The following AKAP3 variants were observed in gnomAD, a reference collection of about 807,000 sequenced individuals.
AKAP3 encodes the protein A-kinase anchor protein 3.
AKAP3 carries 27 observed loss-of-function variants against 57.2 expected under a neutral mutation model. The observed-to-expected ratio is 0.47, with a 90% CI of 0.35 to 0.65. The LOEUF (loss-of-function observed/expected upper bound fraction) is 0.65, where lower values mean the gene tolerates loss of function less well. Ranked by LOEUF, AKAP3 falls within the 30% of genes least tolerant of loss-of-function variation. AKAP3 has a pLI of 0.01. For missense variants in AKAP3, 959 were observed against 1,040.0 expected (o/e 0.92, Z 1.07); for synonymous variants, 334 against 392.3 (o/e 0.85, Z 1.76).
chr12:4,635,671 C>A, intron 4 of AKAP3: 3 of 774,382 alleles, frequency 3.9e-6, no homozygotes, highest in Non-Finnish European at 6.8e-6. Context: ...TTGCAAAGGA[C>A]TCCTCATTTG....
In AKAP3 at chr12:4,627,096, A is replaced by G. The variant is rs1442794667; in HGVS notation, c.1806T>C (p.Leu602=). Residue 602 remains leucine, a synonymous_variant, in exon 5 of 6, where the codon CTT becomes CTC. Transcript: ENST00000228850. ...GGTCACGCTTGAAAATGGTCTCACT[A>G]AGTAAGTTCCGGATGAAATTAAAGA... The part of the protein sequence containing the change: ...SVFFNFIRNL[L]SETIFKRDQS... 1 of 1,614,158 alleles carries G rather than the reference A, an allele frequency of 6.2e-7. No homozygotes were observed. Among genetic ancestry groups the G allele is most frequent in the South Asian group, 1.1e-5 (1 of 91,082 alleles).
At chr12:4,621,351 T>C (rs1945345493) in intron 5 of AKAP3, among the ~76,000 whole-genome samples, 1 of 152,214 alleles carries the variant, frequency 6.6e-6, no homozygotes, top group African/African-American at 2.4e-5. Flanking sequence ...TCTACAGTAG[T>C]GAACAGTAAT....
intron 4 of AKAP3, among the ~76,000 whole-genome samples, chr12:4,633,187 T>C (rs1000283849): frequency 9.3e-5 from 14 of 151,114 alleles, no homozygotes; most frequent in African/African-American, 3.4e-4. Context: ...TTTGGGAGGC[T>C]GAGGAGGGCA....
chr12:4,647,558 C>T (rs1383623186), intron 1 of AKAP3, among the ~76,000 whole-genome samples: 1 of 151,442 alleles, frequency 6.6e-6, no homozygotes, highest in African/African-American at 2.4e-5. Flanking sequence ...AACCTTGAAA[C>T]TAGAACTGAG....
At chr12:4,642,189 CA>C (rs887097543) in intron 2 of AKAP3, among the ~76,000 whole-genome samples, 185 bp from the exon 3 acceptor site, 60 of 152,318 alleles carry the variant, frequency 3.9e-4, no homozygotes, top group African/African-American at 1.4e-3. Flanking sequence ...TCCAAGATGA[CA>C]AAAAGGTTGC....
rs746434630 is a variant in AKAP3 at position 4,628,785 on chromosome 12, G to A, written c.117C>T (p.Val39=). 1.9e-6 allele frequency: 3 copies of A among 1,607,424 alleles called. No individual in the cohort carries two copies. The South Asian group carries it at 3.3e-5, about 18-fold the overall frequency. Reference sequence around the variant, plus strand: ...CTCTGCGGAGCCAGCTGAGCACTCTGACAGGATCCGTGGAGGTGTCCTTAA... The same window carrying A: ...CTCTGCGGAGCCAGCTGAGCACTCTAACAGGATCCGTGGAGGTGTCCTTAA... ...DWKMDTSTDP[V]RVLSWLRRDL... is the part of the protein sequence containing the mutation. Residue 39 remains valine (V), a synonymous_variant, in exon 5 of 6, where the codon GTC becomes GTT. Coordinates refer to ENST00000228850, the MANE Select transcript of AKAP3 (RefSeq NM_001278309.2).
intron 3 of AKAP3, among the ~76,000 whole-genome samples, chr12:4,640,483 T>C (rs1945623942): frequency 6.6e-6 from 1 of 152,196 alleles, no homozygotes; most frequent in Non-Finnish European, 1.5e-5. Context: ...TGGACTGTGG[T>C]GAGGGTAGAC....
intron 5 of AKAP3, among the ~76,000 whole-genome samples, chr12:4,619,406 A>G (rs978074812): frequency 7.9e-5 from 12 of 151,852 alleles, no homozygotes; most frequent in African/African-American, 2.9e-4. Flanking sequence ...AACAAAATAC[A>G]ATTAACTGGG....
intron 5 of AKAP3, among the ~76,000 whole-genome samples, chr12:4,620,415 T>G (rs1315580284): frequency 1.5e-5 from 2 of 135,846 alleles, no homozygotes; most frequent in African/African-American, 5.7e-5. Context: ...GGGCGGAGGT[T>G]GCAGTGAGCC....
At chr12:4,620,863 G>A (rs909913103) in intron 5 of AKAP3, among the ~76,000 whole-genome samples, 18 of 152,112 alleles carry the variant, frequency 1.2e-4, no homozygotes, top group Admixed American at 1.3e-4. Flanking sequence ...CTGTATCACT[G>A]TACTATACTT....
intron 4 of AKAP3, chr12:4,636,178 A>T: frequency 1.7e-6 from 1 of 593,048 alleles, no homozygotes; most frequent in Non-Finnish European, 3.0e-6. Context: ...CATTTGAAAT[A>T]AGTCCCTAAT....
Position 4,628,211 on chromosome 12 carries a change from C to T in AKAP3, c.691G>A (p.Asp231Asn). 6.2e-7 allele frequency: 1 copy of T among 1,614,116 alleles called. No homozygotes were observed. Among genetic ancestry groups the T allele is most frequent in the Non-Finnish European group, 8.5e-7 (1 of 1,179,998 alleles). Residue 231 changes from aspartate to asparagine, a missense_variant, in exon 5 of 6, where the codon GAT (aspartate) becomes AAT (asparagine). Asp to Asn is a conservative substitution (Grantham distance 23). Transcript: ENST00000228850. ...GACTTCTTAGAAGGAGGCTTGTCATCTGGACCCTGTCTTTCTTTGGTGCTC... is the reference window on the plus strand; with the variant it reads ...GACTTCTTAGAAGGAGGCTTGTCATTTGGACCCTGTCTTTCTTTGGTGCTC... Reference protein sequence around the residue: ...KESTKERQGPDDKPPSKKSFF... With the variant: ...KESTKERQGPNDKPPSKKSFF...
intron 5 of AKAP3, among the ~76,000 whole-genome samples, chr12:4,621,063 C>T (rs1017348804): frequency 2.0e-5 from 3 of 151,656 alleles, no homozygotes; most frequent in Non-Finnish European, 2.9e-5. Context: ...TGATCCTGAC[C>T]CTGTGTGGGC....
rs912322094 is a variant in AKAP3 at position 4,647,508 on chromosome 12, G to GA, written c.-245+1236dup. Among the ~76,000 whole-genome samples the GA allele has an allele frequency of 6.0e-3, 852 of 141,248 alleles. 5 individuals carry two copies. The highest frequency in any genetic ancestry group is 0.018 in the Middle Eastern group (5 of 280). The allele number at this position is 141,248 out of a possible 152,430, so 92.7% of individuals were successfully genotyped here. ...GGCAATACAGTAAGACCCCATCTCT[G>GA]AAAAAAAAAAAAGTCAGTGTTCTTT... On this transcript the variant is annotated intron_variant, in intron 1 of 5. Coordinates refer to ENST00000228850, the MANE Select transcript of AKAP3 (RefSeq NM_001278309.2).
chr12:4,639,909 T>C (rs1056653822), intron 3 of AKAP3, among the ~76,000 whole-genome samples: 46 of 148,832 alleles, frequency 3.1e-4, no homozygotes, highest in Non-Finnish European at 1.6e-4. Flanking sequence ...CTCCGCCTCC[T>C]GGGTTCACGC....
At chr12:4,632,169 T>C (rs749857381) in intron 4 of AKAP3, among the ~76,000 whole-genome samples, 1 of 152,192 alleles carries the variant, frequency 6.6e-6, no homozygotes, top group Non-Finnish European at 1.5e-5. Flanking sequence ...ACTGAGACAT[T>C]GATGGCTAAG....
At chr12:4,626,073 G>C (rs1945408561) in intron 5 of AKAP3, among the ~76,000 whole-genome samples, 1 of 151,880 alleles carries the variant, frequency 6.6e-6, no homozygotes, top group African/African-American at 2.4e-5. Flanking sequence ...GACAGTAATG[G>C]CATGTTTGAA....
chr12:4,618,429 A>G (rs1276416733), intron 5 of AKAP3, among the ~76,000 whole-genome samples: 1 of 152,244 alleles, frequency 6.6e-6, no homozygotes, highest in Non-Finnish European at 1.5e-5. Flanking sequence ...TATGCAAGAT[A>G]TTGAATTTGG....
intron 2 of AKAP3, among the ~76,000 whole-genome samples, chr12:4,644,216 CTG>C (rs1020688022): frequency 7.9e-5 from 12 of 152,092 alleles, no homozygotes; most frequent in Non-Finnish European, 1.5e-4. Context: ...CTTCTAGTCC[CTG>C]TTAGTATAGA....
Sources: gnomAD v4.1 joint callset for allele counts (sites outside exome capture counted in the v4.1 genomes callset) on GRCh38, gnomAD v4.1.1 for gene constraint, MANE v1.5 for transcripts, NCBI Gene and HGNC (gene_info 2026-07-23, HGNC 2026-07-21) for gene names.